Variants in IL31RA observed in about 807,000 individuals in gnomAD.
IL31RA encodes the protein interleukin 31 receptor A, also known as interleukin-31 receptor subunit alpha.
A neutral mutation model predicts 83.7 loss-of-function variants in IL31RA; 66 were observed. That is an observed-to-expected ratio of 0.79 (90% CI 0.65 to 0.97). The LOEUF is 0.97. Among genes scored for constraint, IL31RA ranks in the 50% least tolerant of loss-of-function variants. The pLI is 0.00. For missense variants in IL31RA, 798 were observed against 919.4 expected (o/e 0.87, Z 1.71); for synonymous variants, 325 against 329.0 (o/e 0.99, Z 0.13).
chr5:55,917,530 C>A lies in IL31RA; in HGVS notation c.*410C>A, dbSNP rs967253208. 1.3e-5 allele frequency among the ~76,000 whole-genome samples: 2 copies of A among 152,118 alleles called. No homozygotes were observed. Among genetic ancestry groups the A allele is most frequent in the Non-Finnish European group, 2.9e-5 (2 of 68,016 alleles). ...CAGAGTTCCAGAAGGCCTTTCCCTG[C>A]TGCCAGAGGACAGTTGTTTTGTTGG... On this transcript the variant is annotated 3_prime_UTR_variant, in exon 15 of 15. Coordinates refer to ENST00000652347, the MANE Select transcript of IL31RA (RefSeq NM_139017.7).
chr5:55,918,240 G>A lies in IL31RA; in HGVS notation c.*1120G>A, dbSNP rs1252000440. On this transcript the variant is annotated 3_prime_UTR_variant, in exon 15 of 15. Transcript: ENST00000652347. ...GGAGGCTGGTGAGATCAGGGCAGGC[G>A]AGGCAATGAGTGAGTGGCCCAAGGT... Among the ~76,000 whole-genome samples, 1 of 152,138 alleles carries A rather than the reference G, an allele frequency of 6.6e-6. No individual in the cohort carries two copies. The highest frequency in any genetic ancestry group is 2.4e-5 in the African/African-American group (1 of 41,426).
At chr5:55,898,213 A>G (rs1463449161) in intron 7 of IL31RA, among the ~76,000 whole-genome samples, 1 of 152,326 alleles carries the variant, frequency 6.6e-6, no homozygotes, top group South Asian at 2.1e-4. Flanking sequence ...TTAGCTACAT[A>G]GCAGTGGCGA....
At chr5:55,865,964 G>A (rs1027894736) in intron 2 of IL31RA, among the ~76,000 whole-genome samples, 3 of 152,176 alleles carry the variant, frequency 2.0e-5, no homozygotes, top group African/African-American at 7.2e-5. Context: ...ACTGTCTGGT[G>A]TGGTCTGATC....
the IL31RA span, among the ~76,000 whole-genome samples, chr5:55,841,461 A>T: frequency 5.3e-5 from 8 of 152,226 alleles, no homozygotes; most frequent in Non-Finnish European, 1.0e-4. Flanking sequence ...TTGCATTGAT[A>T]TAATAGGCAA....
chr5:55,853,818 C>T (rs1381397109), intron 1 of IL31RA, among the ~76,000 whole-genome samples: 1 of 152,134 alleles, frequency 6.6e-6, no homozygotes, highest in Non-Finnish European at 1.5e-5. Flanking sequence ...ATGGATTTAT[C>T]TTTCAGGAAA....
chr5:55,845,479 G>C, the IL31RA span, among the ~76,000 whole-genome samples: 6 of 138,388 alleles, frequency 4.3e-5, no homozygotes, highest in Non-Finnish European at 7.9e-5. Context: ...CCAAAATCTC[G>C]TCTTGAATTG....
intron 12 of IL31RA, among the ~76,000 whole-genome samples, chr5:55,912,926 C>T (rs960281855): frequency 6.6e-6 from 1 of 151,878 alleles, no homozygotes; most frequent in African/African-American, 2.4e-5. Flanking sequence ...ATGATCATGC[C>T]AGTGCACTCC....
At chr5:55,879,374 C>T (rs1265327967) in intron 4 of IL31RA, among the ~76,000 whole-genome samples, 1 of 142,320 alleles carries the variant, frequency 7.0e-6, no homozygotes, top group Non-Finnish European at 1.5e-5. Flanking sequence ...GGTTATAAAC[C>T]TTGGGTTGAT....
intron 4 of IL31RA, among the ~76,000 whole-genome samples, chr5:55,874,884 C>G (rs1399173853): frequency 1.3e-5 from 2 of 152,092 alleles, no homozygotes; most frequent in Non-Finnish European, 2.9e-5. Context: ...GTTGCCTTGT[C>G]TAGAACTTTT....
rs914369534 is a variant in IL31RA, at chr5:55,917,515, G to T, written c.*395G>T. On this transcript the variant is annotated 3_prime_UTR_variant, in exon 15 of 15. Transcript: ENST00000652347. ...GCTGGGGCTGAGCCTCAGAGTTCCA[G>T]AAGGCCTTTCCCTGCTGCCAGAGGA... Among the ~76,000 whole-genome samples, 1 of 152,162 alleles carries T rather than the reference G, an allele frequency of 6.6e-6. No homozygotes were observed. The highest frequency in any genetic ancestry group is 2.4e-5 in the African/African-American group (1 of 41,448).
At chr5:55,869,503 T>G (rs1219787129) in intron 3 of IL31RA, among the ~76,000 whole-genome samples, 2 of 152,182 alleles carry the variant, frequency 1.3e-5, no homozygotes, top group Non-Finnish European at 2.9e-5. Flanking sequence ...AGACAGAATC[T>G]CACTCTGTCC....
upstream of IL31RA, among the ~76,000 whole-genome samples, chr5:55,849,956 G>GTTGTTTTACCTTTC (rs1257860768): frequency 1.4e-4 from 21 of 152,162 alleles, no homozygotes; most frequent in African/African-American, 5.1e-4. Context: ...TTTCAAGAAC[G>GTTGTTTTACCTTTC]TTGTTTTACC....
intron 2 of IL31RA, among the ~76,000 whole-genome samples, chr5:55,862,128 A>G (rs1441693312): frequency 6.6e-6 from 1 of 152,228 alleles, no homozygotes; most frequent in Non-Finnish European, 1.5e-5. Context: ...GAATAGGGAA[A>G]GAAAGATGGG....
At chr5:55,868,676 C>CA (rs1339527394) in intron 2 of IL31RA, 115 bp from the exon 3 acceptor site, 2 of 782,704 alleles carry the variant, frequency 2.6e-6, no homozygotes, top group East Asian at 2.4e-5. Flanking sequence ...AGCAACTAAC[C>CA]AAAAAAATCT....
intron 3 of IL31RA, among the ~76,000 whole-genome samples, chr5:55,870,426 A>G (rs989942678): frequency 6.6e-6 from 1 of 152,230 alleles, no homozygotes; most frequent in African/African-American, 2.4e-5. Flanking sequence ...CCCATGATCC[A>G]AATGACTTTT....
chr5:55,914,177 C>G (rs1377177043), intron 13 of IL31RA, among the ~76,000 whole-genome samples: 1 of 152,216 alleles, frequency 6.6e-6, no homozygotes, highest in Non-Finnish European at 1.5e-5. Flanking sequence ...TGAGCTGTCT[C>G]TCCAAATTAG....
rs931887392 is a variant in IL31RA, at chr5:55,920,661, C to T, written c.*3541C>T. Among the ~76,000 whole-genome samples, 1 of 152,214 alleles carries T rather than the reference C, an allele frequency of 6.6e-6. No individual in the cohort carries two copies. The highest frequency in any genetic ancestry group is 2.4e-5 in the African/African-American group (1 of 41,458). Reference sequence around the variant, plus strand: ...CCTACCATAACCCACAGACATGAAACTCAGACTGCCACTATGTTTCAACTT... The same window carrying T: ...CCTACCATAACCCACAGACATGAAATTCAGACTGCCACTATGTTTCAACTT... On this transcript the variant is annotated 3_prime_UTR_variant, in exon 15 of 15. Transcript: ENST00000652347.
At chr5:55,843,877 C>A in the IL31RA span, among the ~76,000 whole-genome samples, 9 of 152,006 alleles carry the variant, frequency 5.9e-5, no homozygotes, top group Non-Finnish European at 1.2e-4. Context: ...AAGTTGGTTT[C>A]TTTTGTTTCC....
At chr5:55,886,578 C>G (rs1478906642) in intron 5 of IL31RA, among the ~76,000 whole-genome samples, 1 of 152,118 alleles carries the variant, frequency 6.6e-6, no homozygotes, top group African/African-American at 2.4e-5. Flanking sequence ...CTGGCCTTCT[C>G]CTTAGCTTTC....
Sources: gnomAD v4.1 joint callset for allele counts (sites outside exome capture counted in the v4.1 genomes callset) on GRCh38, gnomAD v4.1.1 for gene constraint, MANE v1.5 for transcripts, NCBI Gene and HGNC (gene_info 2026-07-23, HGNC 2026-07-21) for gene names.